ATG7: variants seen among roughly 807,000 people sequenced by gnomAD.
ATG7 encodes autophagy related 7.
ATG7 carries 70 observed loss-of-function variants against 82.4 expected under a neutral mutation model. The observed-to-expected ratio is 0.85, with a 90% CI of 0.70 to 1.04. The LOEUF is 1.04. Among genes scored for constraint, ATG7 ranks in the 50% least tolerant of loss-of-function variants. ATG7 has a pLI of 0.00. For synonymous variants in ATG7, 287 were observed against 313.0 expected (o/e 0.92, Z 0.88); for missense variants, 792 against 864.3 (o/e 0.92, Z 1.05).
intron 19 of ATG7, among the ~76,000 whole-genome samples, chr3:11,390,404 C>A (rs2078701304): frequency 6.6e-6 from 1 of 152,230 alleles, no homozygotes; most frequent in African/African-American, 2.4e-5. Flanking sequence ...TGCCTAATCA[C>A]TCACTAGTTG....
intron 3 of ATG7, among the ~76,000 whole-genome samples, chr3:11,298,399 G>C (rs1003300257): frequency 6.6e-6 from 1 of 152,210 alleles, no homozygotes; most frequent in Non-Finnish European, 1.5e-5. Flanking sequence ...ATTGTTTAAA[G>C]AGTATAGAGT....
At chr3:11,392,219 A>G (rs902308476) in intron 19 of ATG7, among the ~76,000 whole-genome samples, 2 of 152,168 alleles carry the variant, frequency 1.3e-5, no homozygotes, top group Non-Finnish European at 2.9e-5. Flanking sequence ...TATGACAAAC[A>G]TAGTTCATCT....
intron 20 of ATG7, among the ~76,000 whole-genome samples, chr3:11,514,701 G>C (rs1372580260): frequency 6.6e-6 from 1 of 152,204 alleles, no homozygotes; most frequent in Non-Finnish European, 1.5e-5. Flanking sequence ...TACTTACATA[G>C]CTCCACTTTT....
intron 20 of ATG7, among the ~76,000 whole-genome samples, chr3:11,484,237 C>T (rs1559720036): frequency 6.6e-6 from 1 of 152,020 alleles, no homozygotes; most frequent in Non-Finnish European, 1.5e-5. Flanking sequence ...CTACCAAAAA[C>T]ACAAAAATCA....
intron 20 of ATG7, among the ~76,000 whole-genome samples, chr3:11,482,252 AAC>A (rs1559716031): frequency 1.3e-5 from 2 of 152,184 alleles, no homozygotes; most frequent in Non-Finnish European, 2.9e-5. Context: ...CAGCTGTGGA[AAC>A]ACAACAGCGC....
intron 6 of ATG7, chr3:11,308,440 C>A (rs1273949027): frequency 6.5e-6 from 1 of 153,718 alleles, no homozygotes; most frequent in Non-Finnish European, 1.4e-5. Context: ...GTGTATTTCA[C>A]AGCATTTCCT....
intron 20 of ATG7, among the ~76,000 whole-genome samples, chr3:11,469,512 T>C (rs933111295): frequency 3.9e-5 from 6 of 152,132 alleles, no homozygotes; most frequent in African/African-American, 1.4e-4. Flanking sequence ...CCACTGATTT[T>C]CTTTCCTCTG....
intron 20 of ATG7, among the ~76,000 whole-genome samples, chr3:11,538,611 G>A (rs1477414941): frequency 7.1e-6 from 1 of 140,072 alleles, no homozygotes; most frequent in Admixed American, 7.8e-5. Context: ...GGGAGGCCAA[G>A]GCAGGCAGGT....
chr3:11,387,669 C>T (rs1252467246), intron 19 of ATG7, among the ~76,000 whole-genome samples: 2 of 152,114 alleles, frequency 1.3e-5, no homozygotes, highest in Non-Finnish European at 2.9e-5. Context: ...CACCACTGTT[C>T]CCCTTAAAAA....
intron 3 of ATG7, among the ~76,000 whole-genome samples, chr3:11,293,239 G>C (rs1945252646): frequency 6.6e-6 from 1 of 152,040 alleles, no homozygotes; most frequent in Non-Finnish European, 1.5e-5. Context: ...TGTAGAAAGT[G>C]AATGATTTGG....
At chr3:11,413,119 C>T (rs544118433) in intron 19 of ATG7, among the ~76,000 whole-genome samples, 24 of 152,128 alleles carry the variant, frequency 1.6e-4, no homozygotes, top group African/African-American at 5.5e-4. Context: ...AAGCAGAAAT[C>T]GTTTTACTTC....
intron 20 of ATG7, among the ~76,000 whole-genome samples, chr3:11,541,555 G>C (rs1240109260): frequency 6.6e-6 from 1 of 152,130 alleles, no homozygotes; most frequent in Admixed American, 6.5e-5. Flanking sequence ...TGCCTCCCTA[G>C]GATTGGATCA....
Position 11,362,942 on chromosome 3 carries a change from T to C in ATG7, c.1799+14T>C. The C allele has an allele frequency of 1.9e-6, 3 of 1,608,946 alleles. No homozygotes were observed. Among genetic ancestry groups the C allele is most frequent in the Non-Finnish European group, 2.5e-6 (3 of 1,176,686 alleles). On this transcript the variant is annotated intron_variant, in intron 17 of 20. Coordinates refer to ENST00000693202, the MANE Select transcript of ATG7 (RefSeq NM_001349232.2). The stretch of plus-strand genomic sequence containing the variant: ...GCATCCAGAAGGGTGAGTTTGCTAG[T>C]AGGAGATGAGTATTTAAACAAAGCT...
chr3:11,353,892 A>G (rs956018413), intron 14 of ATG7, among the ~76,000 whole-genome samples: 1 of 152,154 alleles, frequency 6.6e-6, no homozygotes, highest in Non-Finnish European at 1.5e-5. Context: ...ATGGACTAAC[A>G]CAGGAAATAC....
rs61176051 is a variant in ATG7, at chr3:11,378,027, A to ATTTTTTTTT, written c.1876-1935_1876-1927dup. 1.6e-3 allele frequency among the ~76,000 whole-genome samples: 144 copies of ATTTTTTTTT among 92,726 alleles called. 18 individuals are homozygous for ATTTTTTTTT. Among genetic ancestry groups the ATTTTTTTTT allele is most frequent in the African/African-American group, 7.1e-3 (133 of 18,716 alleles). The allele number at this position is 92,726 out of a possible 152,430, so 60.8% of individuals were successfully genotyped here. On this transcript the variant is annotated intron_variant, in intron 18 of 20. Coordinates refer to ENST00000693202, the MANE Select transcript of ATG7 (RefSeq NM_001349232.2). ...GCTATCTAACTTATACCAGTTACCA[A>ATTTTTTTTT]TTTTTTTTTTTTTTTTTTGAGATGG...
rs528876108 is a variant in ATG7, at chr3:11,317,733, C to G, written c.678+2240C>G. Among the ~76,000 whole-genome samples the G allele has an allele frequency of 7.2e-5, 11 of 152,198 alleles. No homozygotes were observed. The South Asian group carries it at 1.2e-3, about 17-fold the overall frequency. The stretch of plus-strand genomic sequence containing the variant: ...TCAGCCTCCCAAGCAGCTGGGACTA[C>G]AGGTGCGCACCATCATGCCCAGCTA... On this transcript the variant is annotated intron_variant, in intron 9 of 20. Coordinates refer to ENST00000693202, the MANE Select transcript of ATG7 (RefSeq NM_001349232.2).
intron 20 of ATG7, among the ~76,000 whole-genome samples, chr3:11,544,106 G>A (rs1014029488): frequency 1.2e-4 from 19 of 152,226 alleles, no homozygotes; most frequent in African/African-American, 3.9e-4. Context: ...CAGTCACACC[G>A]GCCATCCTTG....
chr3:11,508,779 C>T (rs79166175), intron 20 of ATG7, among the ~76,000 whole-genome samples: 5,615 of 152,208 alleles, frequency 0.037, 353 homozygotes, highest in African/African-American at 0.13. Flanking sequence ...ACTAATAATC[C>T]TCAGTTCTGT....
chr3:11,565,451 CACTGCTCAGCCCATCTTCCTCACAGT>C, the ATG7 span, among the ~76,000 whole-genome samples: 7 of 152,166 alleles, frequency 4.6e-5, no homozygotes, highest in Non-Finnish European at 8.8e-5. This position sits in a 1 kb window ranked among gnomAD's most constrained non-coding sequence, Gnocchi z 4.1. Flanking sequence ...GCCTCCACAG[CACTGCTCAGCCCATCTTCCTCACAGT>C]ACTGCTCAGC....
Sources: allele counts gnomAD v4.1 joint callset (sites outside exome capture counted in the v4.1 genomes callset), GRCh38; gene constraint gnomAD v4.1.1; non-coding constraint Gnocchi (gnomAD v3.1); transcripts MANE v1.5; gene names NCBI Gene and HGNC (gene_info 2026-07-23, HGNC 2026-07-21).